Variants in FREM1 observed in about 807,000 individuals in gnomAD.
FREM1 encodes FRAS1-related extracellular matrix protein 1.
In FREM1, 220 loss-of-function variants were observed where a neutral mutation model predicts 210.1. The observed-to-expected ratio is 1.05, with a 90% confidence interval of 0.94 to 1.17. The LOEUF (loss-of-function observed/expected upper bound fraction) is 1.17, where lower values mean the gene tolerates loss of function less well. Ranked by LOEUF, FREM1 falls within the 50% of genes most tolerant of loss-of-function variation. The pLI is 0.00. For missense variants in FREM1, 3,454 were observed against 2,675.5 expected (o/e 1.29, Z -6.42); for synonymous variants, 1,189 against 980.2 (o/e 1.21, Z -3.98).
At position 14,859,467 on chromosome 9, in the gene FREM1, G is replaced by C. The variant is rs747949999; in HGVS notation, c.347C>G (p.Thr116Ser). The C allele has an allele frequency of 2.1e-5, 34 of 1,612,582 alleles. No individual in the cohort carries two copies. The highest frequency in any genetic ancestry group is 2.9e-5 in the Non-Finnish European group (34 of 1,179,158). Residue 116 changes from threonine (T) to serine (S), a missense_variant, in exon 4 of 37, where the codon ACC becomes AGC. Transcript: ENST00000380880. ...LRLYRFTERD[T>S]FIETFILWVY... ...CCACAGGATAAAAGTTTCTATGAAG[G>C]TATCTCTTTCAGTAAATCTGTGGAG...
chr9:14,861,052 T>C (rs1481164832), intron 3 of FREM1, among the ~76,000 whole-genome samples: 11 of 72,926 alleles, frequency 1.5e-4, no homozygotes, highest in African/African-American at 7.2e-4. Flanking sequence ...TATACATATA[T>C]ACATATATAC....
At chr9:14,889,870 G>C (rs997595020) in intron 1 of FREM1, among the ~76,000 whole-genome samples, 1 of 152,210 alleles carries the variant, frequency 6.6e-6, no homozygotes, top group African/African-American at 2.4e-5. Flanking sequence ...AATGAAGACA[G>C]AAAGAAACAT....
intron 1 of FREM1, among the ~76,000 whole-genome samples, chr9:14,903,353 T>G (rs1040878281): frequency 2.6e-5 from 4 of 152,198 alleles, no homozygotes; most frequent in Non-Finnish European, 4.4e-5. Context: ...GCAAAAGGCA[T>G]GTGTCTATAA....
rs148793093 is a variant in FREM1, at chr9:14,770,568, T to TTAA, written c.5059+34_5059+36dup. The TTAA allele has an allele frequency of 8.8e-4, 1,351 of 1,531,618 alleles. 10 individuals carry two copies. The African/African-American group carries it at 0.014, about 16-fold the overall frequency. The allele number at this position is 1,531,618 out of a possible 1,614,324, so 94.9% of individuals were successfully genotyped here. A position where few individuals can be genotyped will look rare whatever the true frequency, so the allele number is the denominator to read the frequency against. ...CTAGCCCTGCCAGCCACTGGGTATT[T>TTAA]TAAAATGGCAATTGTAAGGATTAAG... On this transcript the variant is annotated intron_variant, in intron 26 of 36. Coordinates refer to ENST00000380880, the MANE Select transcript of FREM1 (RefSeq NM_001379081.2).
At position 14,840,596 on chromosome 9, in the gene FREM1, C is replaced by G. The variant is rs1028142882; in HGVS notation, c.1881+851G>C. ...GAACAGCACAGGAAAAACCCACCCC[C>G]ATGATTCAATTACCTCCCACCAGGT... On this transcript the variant is annotated intron_variant, in intron 10 of 36. Coordinates refer to ENST00000380880, the MANE Select transcript of FREM1 (RefSeq NM_001379081.2). Among the ~76,000 whole-genome samples, 20 of 152,206 alleles carry G rather than the reference C, an allele frequency of 1.3e-4. 1 individual carries two copies. Among genetic ancestry groups the G allele is most frequent in the African/African-American group, 3.4e-4 (14 of 41,456 alleles).
intron 1 of FREM1, among the ~76,000 whole-genome samples, chr9:14,887,850 T>A (rs1836088639): frequency 6.6e-6 from 1 of 152,178 alleles, no homozygotes; most frequent in Non-Finnish European, 1.5e-5. Flanking sequence ...CATAATGGAG[T>A]GCAGTGGCAC....
intron 1 of FREM1, among the ~76,000 whole-genome samples, chr9:14,872,994 C>A (rs950848935): frequency 6.6e-6 from 1 of 151,298 alleles, no homozygotes; most frequent in Non-Finnish European, 1.5e-5. Context: ...TATATTGAAC[C>A]AGCCTTGCAT....
intron 1 of FREM1, among the ~76,000 whole-genome samples, chr9:14,893,525 T>C (rs1313148038): frequency 1.3e-5 from 2 of 152,226 alleles, no homozygotes; most frequent in Non-Finnish European, 2.9e-5. Flanking sequence ...GTCCTTTGTC[T>C]TCTGTGTAGT....
At chr9:14,751,031 C>A (rs1313667606) in intron 29 of FREM1, among the ~76,000 whole-genome samples, 2 of 152,142 alleles carry the variant, frequency 1.3e-5, no homozygotes, top group Non-Finnish European at 2.9e-5. Context: ...CAAAGCAACC[C>A]CAGATACACA....
intron 2 of FREM1, 62 bp downstream of exon 2, chr9:14,868,682 C>T (rs147986715): frequency 4.8e-6 from 5 of 1,040,618 alleles, no homozygotes; most frequent in African/African-American, 3.1e-5. Context: ...TGTCCCCCCA[C>T]ACATTTTCAT....
Position 14,792,770 on chromosome 9 carries a change from A to G in FREM1, c.3954T>C (p.Leu1318=), listed in dbSNP as rs1294122782. 6.2e-7 allele frequency: 1 copy of G among 1,600,248 alleles called. No individual in the cohort carries two copies. Among genetic ancestry groups the G allele is most frequent in the Non-Finnish European group, 8.5e-7 (1 of 1,175,386 alleles). The part of the protein sequence containing the change: ...REKIYYVFER[L]PQNGQLQLKI... ...TAAGCTGAAGTTGCCCATTTTGGGG[A>G]AGCCTTTCAAATACATAGTAAATCT... The change falls in exon 22 of 37, where the codon CTT becomes CTC. Residue 1318 remains leucine, a synonymous_variant. Coordinates refer to ENST00000380880, the MANE Select transcript of FREM1 (RefSeq NM_001379081.2).
chr9:14,870,371 A>G (rs1045393205), intron 1 of FREM1, among the ~76,000 whole-genome samples: 3 of 152,224 alleles, frequency 2.0e-5, no homozygotes, highest in African/African-American at 7.2e-5. Flanking sequence ...TCAGTCCCAG[A>G]GTAAAACTGT....
At chr9:14,886,451 A>T (rs1200202434) in intron 1 of FREM1, among the ~76,000 whole-genome samples, 1 of 151,918 alleles carries the variant, frequency 6.6e-6, no homozygotes, top group Non-Finnish European at 1.5e-5. Context: ...TGGCATTTTA[A>T]CTGAAAATAG....
In FREM1 at chr9:14,901,930, C is replaced by G. The variant is rs188705568; in HGVS notation, c.-268+7984G>C. 2.1e-3 allele frequency among the ~76,000 whole-genome samples: 322 copies of G among 151,922 alleles called. 3 individuals are homozygous for G. The highest frequency in any genetic ancestry group is 7.7e-4 in the East Asian group (4 of 5,166). Reference sequence around the variant, plus strand: ...GTAGTGGCTTGATCACGGATCACTGCAGCCTTGACCACTGGGTCTCAAGTG... The same window carrying G: ...GTAGTGGCTTGATCACGGATCACTGGAGCCTTGACCACTGGGTCTCAAGTG... On this transcript the variant is annotated intron_variant, in intron 1 of 36. Transcript: ENST00000380880.
At chr9:14,898,236 A>G (rs927122316) in intron 1 of FREM1, among the ~76,000 whole-genome samples, 1 of 152,192 alleles carries the variant, frequency 6.6e-6, no homozygotes, top group Non-Finnish European at 1.5e-5. Context: ...ACAATAATTG[A>G]CACCTTTCAG....
chr9:14,858,112 A>G (rs1285456899), intron 4 of FREM1, among the ~76,000 whole-genome samples: 1 of 152,084 alleles, frequency 6.6e-6, no homozygotes, highest in Non-Finnish European at 1.5e-5. Flanking sequence ...CCATGTCTCT[A>G]TCATACAATC....
At chr9:14,868,617 A>G in intron 2 of FREM1, 127 bp downstream of exon 2, 7 of 655,228 alleles carry the variant, frequency 1.1e-5, no homozygotes, top group Non-Finnish European at 1.9e-5. Flanking sequence ...AAATGTGAAC[A>G]TCTTCTAATA....
rs140144319 is a variant in FREM1 at position 14,824,990 on chromosome 9, C to T, written c.1884G>A (p.Val628=). 6.4e-4 allele frequency: 998 copies of T among 1,570,158 alleles called. 8 individuals carry two copies. In the African/African-American group the frequency reaches 0.012, roughly 19 times the overall value. The part of the protein sequence containing the change: ...HEPPNLSVPQ[V]ATIHITPVDD... Reference sequence around the variant, plus strand: ...CCACTGGAGTTATATGGATTGTTGCCACCTGGAATAAAAATGTCTGTACCA... The same window carrying T: ...CCACTGGAGTTATATGGATTGTTGCTACCTGGAATAAAAATGTCTGTACCA... The change falls in exon 11 of 37, where the codon GTG becomes GTA. Residue 628 remains valine (V), a splice_region_variant and synonymous_variant. Coordinates refer to ENST00000380880, the MANE Select transcript of FREM1 (RefSeq NM_001379081.2).
Position 14,837,466 on chromosome 9 carries a change from T to TACAC in FREM1, c.1881+3977_1881+3980dup, listed in dbSNP as rs35667419. ...AACCACACACACACACACATACACA[T>TACAC]ACACACACACACACACAAATGTGCC... On this transcript the variant is annotated intron_variant, in intron 10 of 36. Coordinates refer to ENST00000380880, the MANE Select transcript of FREM1 (RefSeq NM_001379081.2). Among the ~76,000 whole-genome samples, 84 of 148,908 alleles carry TACAC rather than the reference T, an allele frequency of 5.6e-4. No individual in the cohort carries two copies. In the East Asian group the frequency reaches 0.012, roughly 21 times the overall value.
Sources: allele counts gnomAD v4.1 joint callset (sites outside exome capture counted in the v4.1 genomes callset), GRCh38; gene constraint gnomAD v4.1.1; transcripts MANE v1.5; gene names NCBI Gene and HGNC (gene_info 2026-07-23, HGNC 2026-07-21).